The following NAALADL2 variants were observed in gnomAD, a reference collection of about 807,000 sequenced individuals.
NAALADL2 encodes the protein inactive N-acetylated-alpha-linked acidic dipeptidase-like protein 2.
Under a neutral mutation model 87.2 loss-of-function variants are expected in NAALADL2, and 76 were observed. The ratio of observed to expected loss-of-function variants is 0.87; its 90% CI spans 0.72 to 1.05. NAALADL2 has a LOEUF of 1.05. Ranked by LOEUF, NAALADL2 falls within the 50% of genes least tolerant of loss-of-function variation. The pLI is 0.00. For missense variants in NAALADL2, 1,089 were observed against 945.8 expected (o/e 1.15, Z -1.99); for synonymous variants, 354 against 331.0 (o/e 1.07, Z -0.75).
intron 9 of NAALADL2, among the ~76,000 whole-genome samples, chr3:175,563,147 A>C (rs908467444): frequency 1.1e-4 from 17 of 152,136 alleles, no homozygotes; most frequent in Admixed American, 9.8e-4. Context: ...TGGGAAATTC[A>C]AGGCTTCAAG....
At chr3:175,539,798 T>C (rs1031445802) in intron 9 of NAALADL2, among the ~76,000 whole-genome samples, 1 of 152,200 alleles carries the variant, frequency 6.6e-6, no homozygotes, top group South Asian at 2.1e-4. Flanking sequence ...CTGAGAAAAA[T>C]TTTATGACAT....
intron 13 of NAALADL2, among the ~76,000 whole-genome samples, chr3:175,784,682 GT>G (rs1377411044): frequency 7.8e-6 from 1 of 127,518 alleles, no homozygotes; most frequent in Non-Finnish European, 1.6e-5. Context: ...TTTTTGAAGG[GT>G]TTTTTGTGTC....
rs373657503 is a variant in NAALADL2, at chr3:175,326,781, C to T, written c.1090+2456C>T. ...TTATAACATGCCCCTCAAAATAACGCGCCTGCTCTCATGATAACAGCATTA... is the reference window on the plus strand; with the variant it reads ...TTATAACATGCCCCTCAAAATAACGTGCCTGCTCTCATGATAACAGCATTA... On this transcript the variant is annotated intron_variant, in intron 5 of 13. Transcript: ENST00000454872. Among the ~76,000 whole-genome samples the T allele has an allele frequency of 9.2e-5, 14 of 152,196 alleles. No individual in the cohort carries two copies. In the South Asian group the frequency reaches 1.7e-3, roughly 18 times the overall value.
chr3:175,155,408 C>T (rs1732163066), intron 2 of NAALADL2, among the ~76,000 whole-genome samples: 1 of 152,078 alleles, frequency 6.6e-6, no homozygotes, highest in African/African-American at 2.4e-5. Flanking sequence ...ATCAAAGTGA[C>T]AAAAACCAAC....
intron 2 of NAALADL2, among the ~76,000 whole-genome samples, chr3:175,188,612 G>A (rs1318289533): frequency 6.6e-6 from 1 of 152,064 alleles, no homozygotes; most frequent in Non-Finnish European, 1.5e-5. Context: ...CACCTTCCTG[G>A]AACTGGACTA....
chr3:175,538,455 A>G (rs1711673355), intron 9 of NAALADL2, among the ~76,000 whole-genome samples: 1 of 152,134 alleles, frequency 6.6e-6, no homozygotes, highest in South Asian at 2.1e-4. Flanking sequence ...AAATTAAGAA[A>G]TATAATGGTG....
rs1049544114 is a variant in NAALADL2 at position 175,753,579 on chromosome 3, T to C, written c.1991-1641T>C. Among the ~76,000 whole-genome samples the C allele has an allele frequency of 5.3e-4, 81 of 152,314 alleles. 1 individual carries two copies. Among genetic ancestry groups the C allele is most frequent in the African/African-American group, 1.9e-3 (81 of 41,566 alleles). On this transcript the variant is annotated intron_variant, in intron 12 of 13. Coordinates refer to ENST00000454872, the MANE Select transcript of NAALADL2 (RefSeq NM_207015.3). ...ACAAACATATTTAACGTATCAGCTATACATCTAACCTAGTTTTCCTTTTCT... is the reference window on the plus strand; with the variant it reads ...ACAAACATATTTAACGTATCAGCTACACATCTAACCTAGTTTTCCTTTTCT...
chr3:174,918,014 A>C (rs969951569), intron 1 of NAALADL2, among the ~76,000 whole-genome samples: 1 of 152,146 alleles, frequency 6.6e-6, no homozygotes, highest in African/African-American at 2.4e-5. Context: ...TGAAAATAAA[A>C]TGTTCTTTTT....
chr3:175,512,563 A>C (rs1044226423), intron 9 of NAALADL2, among the ~76,000 whole-genome samples: 1 of 152,200 alleles, frequency 6.6e-6, no homozygotes, highest in Non-Finnish European at 1.5e-5. Context: ...TGAAAACTTC[A>C]GGTGATAACA....
intron 7 of NAALADL2, among the ~76,000 whole-genome samples, chr3:175,466,177 A>G (rs1723992230): frequency 6.6e-6 from 1 of 152,192 alleles, no homozygotes; most frequent in South Asian, 2.1e-4. Flanking sequence ...ATGATATTCA[A>G]TGAAGAAAAA....
chr3:174,770,983 T>C (rs1714481202), intron 3 of NAALADL2, among the ~76,000 whole-genome samples: 1 of 152,254 alleles, frequency 6.6e-6, no homozygotes, highest in African/African-American at 2.4e-5. Context: ...CAAGCCTTTT[T>C]GTTAAAAGAT....
intron 8 of NAALADL2, among the ~76,000 whole-genome samples, chr3:175,469,192 A>G (rs1582019824): frequency 6.6e-6 from 1 of 152,192 alleles, no homozygotes; most frequent in Non-Finnish European, 1.5e-5. Flanking sequence ...GGCCTATAAA[A>G]TGTATTTTTA....
chr3:175,344,042 G>A (rs954838375), intron 5 of NAALADL2, among the ~76,000 whole-genome samples: 2 of 151,944 alleles, frequency 1.3e-5, no homozygotes, highest in African/African-American at 4.8e-5. Flanking sequence ...AAAAATACTG[G>A]TTTAATACCG....
Position 175,708,047 on chromosome 3 carries a change from G to A in NAALADL2, c.1897-29259G>A, listed in dbSNP as rs370011818. ...CGAACAAACAACATTTCAGGCAAAG[G>A]CAATGCTATGGGTAAATTCCAGAAG... is the stretch of plus-strand genomic sequence containing the variant. On this transcript the variant is annotated intron_variant, in intron 11 of 13. Coordinates refer to ENST00000454872, the MANE Select transcript of NAALADL2 (RefSeq NM_207015.3). 1.5e-4 allele frequency among the ~76,000 whole-genome samples: 23 copies of A among 152,134 alleles called. No homozygotes were observed. The South Asian group carries it at 4.8e-3, about 31-fold the overall frequency.
chr3:175,454,584 A>G (rs1430093205), intron 6 of NAALADL2, among the ~76,000 whole-genome samples: 1 of 152,034 alleles, frequency 6.6e-6, no homozygotes, highest in African/African-American at 2.4e-5. Flanking sequence ...CTCTTTGTTT[A>G]CCAAATTCCC....
intron 2 of NAALADL2, among the ~76,000 whole-genome samples, chr3:174,616,747 C>G (rs1026566511): frequency 6.6e-6 from 1 of 151,700 alleles, no homozygotes; most frequent in Non-Finnish European, 1.5e-5. Flanking sequence ...GGGCAAGCTG[C>G]GTCTATGATA....
At chr3:174,936,712 T>C (rs991904989) in intron 1 of NAALADL2, among the ~76,000 whole-genome samples, 1 of 152,100 alleles carries the variant, frequency 6.6e-6, no homozygotes, top group Non-Finnish European at 1.5e-5. Flanking sequence ...AAAGTCTGAC[T>C]CTCTAGAGCA....
At chr3:175,239,168 C>T (rs1015777010) in intron 3 of NAALADL2, among the ~76,000 whole-genome samples, 1 of 152,116 alleles carries the variant, frequency 6.6e-6, no homozygotes, top group African/African-American at 2.4e-5. Flanking sequence ...ATAGTTTACC[C>T]CATCATAATG....
intron 6 of NAALADL2, among the ~76,000 whole-genome samples, chr3:175,448,697 TTG>T (rs1237985449): frequency 2.6e-5 from 4 of 152,148 alleles, no homozygotes; most frequent in Non-Finnish European, 5.9e-5. Flanking sequence ...TAAAATTTTT[TTG>T]TGTTATATGT....
Sources: allele counts gnomAD v4.1 joint callset (sites outside exome capture counted in the v4.1 genomes callset), GRCh38; gene constraint gnomAD v4.1.1; transcripts MANE v1.5; gene names NCBI Gene and HGNC (gene_info 2026-07-23, HGNC 2026-07-21).